SEC22A: variants seen among roughly 807,000 people sequenced by gnomAD.
SEC22A encodes the protein vesicle-trafficking protein SEC22a.
A neutral mutation model predicts 35.3 loss-of-function variants in SEC22A; 22 were observed. The observed-to-expected ratio is 0.62, with a 90% CI of 0.45 to 0.89. The LOEUF (loss-of-function observed/expected upper bound fraction) is 0.89. Ranked by LOEUF, SEC22A falls within the 40% of genes least tolerant of loss-of-function variation. The probability of loss-of-function intolerance (pLI) is 0.00; values close to 1 mark genes in which losing one functional copy is unlikely to be tolerated. For synonymous variants in SEC22A, 119 were observed against 129.5 expected (o/e 0.92, Z 0.55); for missense variants, 354 against 362.5 (o/e 0.98, Z 0.19).
At chr3:123,241,950 A>G (rs905711976) in intron 4 of SEC22A, among the ~76,000 whole-genome samples, 5 of 79,540 alleles carry the variant, frequency 6.3e-5, no homozygotes, top group Admixed American at 2.5e-4. Flanking sequence ...ACTTTTCTGG[A>G]AAAAAAAAAA....
chr3:123,252,503 T>C (rs2332471), intron 5 of SEC22A, among the ~76,000 whole-genome samples: 29,848 of 152,110 alleles, frequency 0.2, 3,029 homozygotes, highest in Middle Eastern at 0.27. Flanking sequence ...AAAGGACTTA[T>C]TTGGGAATTA....
chr3:123,232,734 C>A (rs891134049), intron 4 of SEC22A, among the ~76,000 whole-genome samples: 5 of 152,076 alleles, frequency 3.3e-5, no homozygotes, highest in African/African-American at 1.2e-4. Flanking sequence ...ATACCAAAAC[C>A]AGGCAAAGTC....
intron 6 of SEC22A, among the ~76,000 whole-genome samples, chr3:123,263,556 A>C (rs750931388): frequency 3.3e-5 from 5 of 152,146 alleles, no homozygotes; most frequent in Non-Finnish European, 7.3e-5. Flanking sequence ...TTGCTCTGTC[A>C]CCCAGGCTGG....
chr3:123,236,308 A>G (rs2108065203), intron 4 of SEC22A, among the ~76,000 whole-genome samples: 1 of 152,348 alleles, frequency 6.6e-6, no homozygotes, highest in South Asian at 2.1e-4. Flanking sequence ...CCCACTGAGT[A>G]CATGTAGAAA....
chr3:123,229,679 TG>T (rs937502437), intron 4 of SEC22A, among the ~76,000 whole-genome samples: 15 of 151,974 alleles, frequency 9.9e-5, no homozygotes, highest in Non-Finnish European at 1.9e-4. Flanking sequence ...CTGGCCAACA[TG>T]GTGAAACCCC....
chr3:123,265,158 A>G (rs1461345644), intron 6 of SEC22A, among the ~76,000 whole-genome samples: 1 of 152,182 alleles, frequency 6.6e-6, no homozygotes, highest in East Asian at 1.9e-4. Context: ...CAGCATTAAC[A>G]TTGTGTTAGG....
chr3:123,257,448 G>A (rs1419688520), intron 5 of SEC22A, among the ~76,000 whole-genome samples: 1 of 152,146 alleles, frequency 6.6e-6, no homozygotes, highest in East Asian at 1.9e-4. Flanking sequence ...TGTAATCCCA[G>A]CACTTTCGGA....
chr3:123,246,953 G>A (rs1235628366), intron 5 of SEC22A, among the ~76,000 whole-genome samples: 1 of 152,216 alleles, frequency 6.6e-6, no homozygotes, highest in African/African-American at 2.4e-5. Context: ...GGTTCCAGCA[G>A]CAGAGCTGTT....
intron 2 of SEC22A, among the ~76,000 whole-genome samples, chr3:123,220,375 C>G (rs1322883975): frequency 6.6e-6 from 1 of 152,084 alleles, no homozygotes. Context: ...ATGCTAATGA[C>G]ATGTCAAAGA....
At chr3:123,251,610 A>C (rs746952641) in intron 5 of SEC22A, among the ~76,000 whole-genome samples, 5 of 152,230 alleles carry the variant, frequency 3.3e-5, no homozygotes, top group Non-Finnish European at 5.9e-5. Flanking sequence ...GGAGCAAGGA[A>C]ACAACAGAAT....
chr3:123,241,002 TACACACACAC>T (rs35775511), intron 4 of SEC22A, among the ~76,000 whole-genome samples: 69 of 142,672 alleles, frequency 4.8e-4, no homozygotes, highest in African/African-American at 7.1e-4. Flanking sequence ...CTCTCTTTCT[TACACACACAC>T]ACACACACAC....
chr3:123,268,531 A>T (rs1168125362), intron 6 of SEC22A, among the ~76,000 whole-genome samples: 6 of 152,168 alleles, frequency 3.9e-5, no homozygotes, highest in Admixed American at 3.9e-4. Context: ...AATAGGGAAA[A>T]GTGTGTCTAC....
chr3:123,258,948 T>C (rs1418566050), intron 5 of SEC22A, among the ~76,000 whole-genome samples: 2 of 150,380 alleles, frequency 1.3e-5, no homozygotes, highest in South Asian at 2.1e-4. Context: ...GAGGTATCTC[T>C]GTTTTTCCTC....
intron 1 of SEC22A, among the ~76,000 whole-genome samples, chr3:123,207,339 A>G (rs1936869377): frequency 1.3e-5 from 2 of 152,024 alleles, no homozygotes; most frequent in Non-Finnish European, 2.9e-5. Context: ...TTTTATATAT[A>G]TTACTCATTT....
chr3:123,207,505 T>C (rs1271637244), intron 1 of SEC22A, among the ~76,000 whole-genome samples: 3 of 152,216 alleles, frequency 2.0e-5, no homozygotes, highest in African/African-American at 7.2e-5. Context: ...TGAGGAAGCC[T>C]TTAGTGACAT....
At chr3:123,233,809 A>G (rs541946876) in intron 4 of SEC22A, among the ~76,000 whole-genome samples, 1 of 152,366 alleles carries the variant, frequency 6.6e-6, no homozygotes, top group African/African-American at 2.4e-5. Context: ...GTCTGCTTAC[A>G]CTACTTCTAG....
intron 6 of SEC22A, among the ~76,000 whole-genome samples, chr3:123,270,261 A>G (rs1368336589): frequency 6.6e-6 from 1 of 150,604 alleles, no homozygotes; most frequent in Non-Finnish European, 1.5e-5. Flanking sequence ...CTATTTTTTC[A>G]GTCTTATATG....
At chr3:123,210,557 A>G (rs57591808) in intron 2 of SEC22A, among the ~76,000 whole-genome samples, 1 of 152,218 alleles carries the variant, frequency 6.6e-6, no homozygotes, top group Non-Finnish European at 1.5e-5. Context: ...GCAGCTGGAT[A>G]TATGAGTCTG....
chr3:123,213,305 T>C (rs145111366), intron 2 of SEC22A, among the ~76,000 whole-genome samples: 1 of 152,316 alleles, frequency 6.6e-6, no homozygotes, highest in Non-Finnish European at 1.5e-5. Flanking sequence ...AAATTGAGAA[T>C]TTGTGTGTGT....
Sources: allele counts gnomAD v4.1 joint callset (sites outside exome capture counted in the v4.1 genomes callset), GRCh38; gene constraint gnomAD v4.1.1; transcripts MANE v1.5; gene names NCBI Gene and HGNC (gene_info 2026-07-23, HGNC 2026-07-21).